AFAP1: variants seen among roughly 807,000 people sequenced by gnomAD.
AFAP1 encodes actin filament-associated protein 1.
AFAP1 carries 75 observed loss-of-function variants against 93.9 expected under a neutral mutation model. The ratio of observed to expected loss-of-function variants is 0.80; its 90% CI spans 0.66 to 0.97. AFAP1 has a LOEUF of 0.97. Among genes scored for constraint, AFAP1 ranks in the 50% least tolerant of loss-of-function variants. The pLI is 0.00. For missense variants in AFAP1, 1,201 were observed against 1,050.8 expected (o/e 1.14, Z -1.98); for synonymous variants, 517 against 430.7 (o/e 1.20, Z -2.48).
At chr4:7,904,954 C>T (rs1218722136) in intron 1 of AFAP1, among the ~76,000 whole-genome samples, 1 of 152,160 alleles carries the variant, frequency 6.6e-6, no homozygotes, top group East Asian at 1.9e-4. Flanking sequence ...GCGATCCTCC[C>T]AGCTCGGCCT....
At chr4:7,796,224 G>T (rs1178128116) in intron 10 of AFAP1, among the ~76,000 whole-genome samples, 1 of 152,152 alleles carries the variant, frequency 6.6e-6, no homozygotes, top group Admixed American at 6.5e-5. Flanking sequence ...ATGCTTTTGG[G>T]GAACGGCTGA....
intron 1 of AFAP1, among the ~76,000 whole-genome samples, chr4:7,874,159 A>G (rs1406516432): frequency 3.9e-5 from 6 of 152,288 alleles, no homozygotes; most frequent in Non-Finnish European, 7.4e-5. Context: ...AGATCCACCT[A>G]AAGAGCAAAA....
rs767183481 is a variant in AFAP1, at chr4:7,843,271, C to A, written c.414G>T (p.Arg138=). ...AGGCCTCCTCGGAGGGCCACTGGTG[C>A]CGGGTTTTCTTCCCCTTCCCATCCT... The part of the protein sequence containing the change: ...EEEDGKGKKT[R]HQWPSEEASM... The change falls in exon 5 of 18, where the codon CGG becomes CGT. Residue 138 remains arginine, a synonymous_variant. Coordinates refer to ENST00000420658, the MANE Select transcript of AFAP1 (RefSeq NM_001134647.2). 1.2e-6 allele frequency: 2 copies of A among 1,614,040 alleles called. No individual in the cohort carries two copies. The highest frequency in any genetic ancestry group is 2.2e-5 in the East Asian group (1 of 44,896).
chr4:7,875,654 G>A (rs753896878), intron 1 of AFAP1, among the ~76,000 whole-genome samples: 2 of 149,554 alleles, frequency 1.3e-5, no homozygotes, highest in African/African-American at 4.9e-5. Context: ...CGGGACGGGG[G>A]GCTGATAGCA....
intron 16 of AFAP1, among the ~76,000 whole-genome samples, chr4:7,769,846 A>C (rs527909142): frequency 8.4e-4 from 128 of 152,384 alleles, no homozygotes; most frequent in Non-Finnish European, 1.6e-3. Context: ...TACTGGCCAC[A>C]ATCCCCAGGC....
intron 1 of AFAP1, among the ~76,000 whole-genome samples, chr4:7,917,045 C>G (rs549006394): frequency 2.6e-5 from 4 of 152,232 alleles, no homozygotes; most frequent in Non-Finnish European, 5.9e-5. Flanking sequence ...TTTGAGCAAG[C>G]AGCTTTGCTT....
intron 3 of AFAP1, among the ~76,000 whole-genome samples, chr4:7,867,907 C>T (rs1716603491): frequency 6.6e-6 from 1 of 152,110 alleles, no homozygotes; most frequent in Admixed American, 6.5e-5. Context: ...CGTTCGTATC[C>T]TGGCAGAGAG....
rs543604757 is a variant in AFAP1 at position 7,872,129 on chromosome 4, G to A, written c.-2-49C>T. The A allele has an allele frequency of 3.1e-6, 5 of 1,605,816 alleles. No homozygotes were observed. The East Asian group carries it at 6.7e-5, about 21-fold the overall frequency. On this transcript the variant is annotated intron_variant, in intron 1 of 17. Coordinates refer to ENST00000420658, the MANE Select transcript of AFAP1 (RefSeq NM_001134647.2). ...TTATTAGACCCAGTGATTTGCAAAT[G>A]TCAAAGTATGAATACTGAGTCTTAC...
chr4:7,838,144 A>T (rs1712534368), intron 6 of AFAP1, among the ~76,000 whole-genome samples: 1 of 152,250 alleles, frequency 6.6e-6, no homozygotes, highest in Admixed American at 6.5e-5. Context: ...TTTTAAGAAA[A>T]TGGCTGAAAA....
chr4:7,897,316 G>A (rs28367252), intron 1 of AFAP1, among the ~76,000 whole-genome samples: 1,625 of 152,248 alleles, frequency 0.011, 14 homozygotes, highest in Non-Finnish European at 0.017. Context: ...ACAAACGGTA[G>A]GAAAACATGT....
At chr4:7,923,099 A>T (rs1263898116) in intron 1 of AFAP1, among the ~76,000 whole-genome samples, 1 of 151,490 alleles carries the variant, frequency 6.6e-6, no homozygotes, top group Non-Finnish European at 1.5e-5. Context: ...TAAATGAGAG[A>T]GGGAAAAGAG....
intron 1 of AFAP1, among the ~76,000 whole-genome samples, chr4:7,885,283 C>G (rs997297558): frequency 6.6e-6 from 1 of 152,212 alleles, no homozygotes; most frequent in Admixed American, 6.5e-5. Flanking sequence ...CAGTTTCCCA[C>G]AAATATCACG....
chr4:7,800,423 C>A lies in AFAP1; in HGVS notation c.1266+19G>T, dbSNP rs2149030016. On this transcript the variant is annotated intron_variant, in intron 10 of 17. Coordinates refer to ENST00000420658, the MANE Select transcript of AFAP1 (RefSeq NM_001134647.2). The stretch of plus-strand genomic sequence containing the variant: ...GCGTGTGTCCCTCTGTGGAGTACAG[C>A]CCCTGGGAAATATCCTACCTCCAAT... The A allele has an allele frequency of 1.9e-6, 3 of 1,612,798 alleles. No homozygotes were observed. Among genetic ancestry groups the A allele is most frequent in the South Asian group, 1.1e-5 (1 of 90,964 alleles).
At chr4:7,887,021 C>G (rs187884884) in intron 1 of AFAP1, among the ~76,000 whole-genome samples, 1 of 152,286 alleles carries the variant, frequency 6.6e-6, no homozygotes, top group African/African-American at 2.4e-5. Context: ...CCTGGACTCA[C>G]AGAACCCTTA....
At chr4:7,786,428 G>A (rs1717270837) in intron 11 of AFAP1, 117 bp from the exon 12 acceptor site, 1 of 808,488 alleles carries the variant, frequency 1.2e-6, no homozygotes, top group Non-Finnish European at 2.1e-6. Context: ...CACAGGGGCA[G>A]AGAAGAAATA....
At chr4:7,874,198 G>A (rs1717316317) in intron 1 of AFAP1, among the ~76,000 whole-genome samples, 1 of 152,144 alleles carries the variant, frequency 6.6e-6, no homozygotes, top group African/African-American at 2.4e-5. Context: ...TGTAACAGAG[G>A]ATGGCACAGC....
At chr4:7,903,805 C>T (rs1480435865) in intron 1 of AFAP1, among the ~76,000 whole-genome samples, 4 of 152,104 alleles carry the variant, frequency 2.6e-5, no homozygotes, top group African/African-American at 9.7e-5. Flanking sequence ...TTGTCCCTCA[C>T]AAATGGAAAA....
intron 10 of AFAP1, 110 bp from the exon 11 acceptor site, chr4:7,793,936 C>T: frequency 4.8e-6 from 6 of 1,243,364 alleles, no homozygotes; most frequent in Non-Finnish European, 5.3e-6. Context: ...AACATGATGT[C>T]CCTAAGAAGA....
intron 1 of AFAP1, among the ~76,000 whole-genome samples, chr4:7,897,609 A>T (rs193067365): frequency 6.6e-6 from 1 of 151,924 alleles, no homozygotes; most frequent in African/African-American, 2.4e-5. Context: ...AATGCACCTC[A>T]GCCTCCCAGG....
Sources: allele counts gnomAD v4.1 joint callset (sites outside exome capture counted in the v4.1 genomes callset), GRCh38; gene constraint gnomAD v4.1.1; transcripts MANE v1.5; gene names NCBI Gene and HGNC (gene_info 2026-07-23, HGNC 2026-07-21).